PDE1C: variants seen among roughly 807,000 people sequenced by gnomAD.
PDE1C encodes the protein phosphodiesterase 1C.
A neutral mutation model predicts 93.1 loss-of-function variants in PDE1C; 62 were observed. The observed-to-expected ratio is 0.67, with a 90% CI of 0.54 to 0.82. The LOEUF is 0.82. Among genes scored for constraint, PDE1C ranks in the 40% least tolerant of loss-of-function variants. PDE1C has a pLI of 0.00. For missense variants in PDE1C, 742 were observed against 884.6 expected (o/e 0.84, Z 2.04); for synonymous variants, 325 against 310.1 (o/e 1.05, Z -0.50).
intron 7 of PDE1C, among the ~76,000 whole-genome samples, chr7:31,863,067 A>G (rs1365915227): frequency 4.6e-5 from 7 of 152,184 alleles, no homozygotes; most frequent in East Asian, 1.9e-4. Context: ...GATTACTTTG[A>G]GGGAAACTGA....
intron 1 of PDE1C, among the ~76,000 whole-genome samples, chr7:32,344,459 TC>T (rs1268688443): frequency 6.6e-6 from 1 of 152,174 alleles, no homozygotes; most frequent in African/African-American, 2.4e-5. Flanking sequence ...TGACTTCATC[TC>T]CTGCCTCGCT....
chr7:31,927,394 C>A (rs1389095844), intron 2 of PDE1C, among the ~76,000 whole-genome samples: 4 of 152,118 alleles, frequency 2.6e-5, no homozygotes, highest in African/African-American at 9.7e-5. Context: ...ATGTTCCTGC[C>A]TGCCGGCTCT....
At chr7:31,937,175 T>C (rs930074904) in intron 2 of PDE1C, among the ~76,000 whole-genome samples, 1 of 152,122 alleles carries the variant, frequency 6.6e-6, no homozygotes, top group African/African-American at 2.4e-5. Flanking sequence ...TGACTGTCTC[T>C]TATCAGACCT....
At chr7:31,860,977 G>T (rs974465714) in intron 7 of PDE1C, among the ~76,000 whole-genome samples, 1 of 152,020 alleles carries the variant, frequency 6.6e-6, no homozygotes, top group East Asian at 1.9e-4. Flanking sequence ...CTATTAAGTT[G>T]TCTATAGTCA....
intron 2 of PDE1C, among the ~76,000 whole-genome samples, chr7:31,968,927 T>C: frequency 6.6e-6 from 1 of 152,180 alleles, no homozygotes; most frequent in Admixed American, 6.5e-5. Context: ...TGGCCAGCCA[T>C]ATGTAGAAAG....
At chr7:31,988,623 A>C (rs1041486793) in intron 2 of PDE1C, among the ~76,000 whole-genome samples, 1 of 152,174 alleles carries the variant, frequency 6.6e-6, no homozygotes, top group Non-Finnish European at 1.5e-5. Context: ...TGGGAGACTG[A>C]AGCAAGAGAA....
chr7:31,670,010 C>T, the PDE1C span, among the ~76,000 whole-genome samples: 5 of 152,144 alleles, frequency 3.3e-5, no homozygotes, highest in Non-Finnish European at 5.9e-5. Context: ...CCTTCCATCC[C>T]GTGACAGGTC....
At chr7:31,893,089 C>T (rs1327575729) in intron 2 of PDE1C, among the ~76,000 whole-genome samples, 1 of 151,858 alleles carries the variant, frequency 6.6e-6, no homozygotes, top group Admixed American at 6.6e-5. Context: ...AGAGTCGATT[C>T]CATAAAAAAA....
At chr7:32,188,030 GAAC>G (rs750338745) in intron 2 of PDE1C, among the ~76,000 whole-genome samples, 47 of 152,064 alleles carry the variant, frequency 3.1e-4, no homozygotes, top group Non-Finnish European at 5.6e-4. Context: ...AGATACACAA[GAAC>G]AACAACTTAG....
the PDE1C span, among the ~76,000 whole-genome samples, chr7:31,690,045 A>C: frequency 6.6e-6 from 1 of 152,338 alleles, no homozygotes; most frequent in South Asian, 2.1e-4. Flanking sequence ...CACCTTGTCC[A>C]GGGGCCTCTG....
the PDE1C span, among the ~76,000 whole-genome samples, chr7:31,721,990 T>G: frequency 6.6e-6 from 1 of 152,160 alleles, no homozygotes; most frequent in East Asian, 1.9e-4. Flanking sequence ...AGAGATTAAG[T>G]ATAACTCTTA....
chr7:31,947,058 C>T (rs771390782), intron 2 of PDE1C, among the ~76,000 whole-genome samples: 7 of 152,140 alleles, frequency 4.6e-5, no homozygotes, highest in South Asian at 2.1e-4. Context: ...TTGTTTTTGT[C>T]TCACTTCTTG....
chr7:32,181,552 G>C (rs1803422657), intron 2 of PDE1C, among the ~76,000 whole-genome samples: 1 of 152,068 alleles, frequency 6.6e-6, no homozygotes, highest in Non-Finnish European at 1.5e-5. Context: ...AATGACTACT[G>C]GGTACATAAC....
chr7:32,350,092 G>GTTC (rs3079626), intron 1 of PDE1C, among the ~76,000 whole-genome samples: 24,639 of 151,882 alleles, frequency 0.16, 2,548 homozygotes, highest in South Asian at 0.42. Flanking sequence ...TGTTGTTGTT[G>GTTC]TTCTTCTTCT....
chr7:31,869,776 A>C (rs1795709532), intron 6 of PDE1C, among the ~76,000 whole-genome samples: 2 of 152,106 alleles, frequency 1.3e-5, no homozygotes. Context: ...CCTAATAGAC[A>C]CTTACAGAAC....
intron 3 of PDE1C, among the ~76,000 whole-genome samples, chr7:32,096,860 T>TAGATAGAC (rs1300516444): frequency 3.0e-4 from 45 of 150,518 alleles, no homozygotes; most frequent in East Asian, 9.7e-4. Flanking sequence ...GATAGATAGA[T>TAGATAGAC]AGACAGACAG....
chr7:32,383,956 C>T (rs1218829723), intron 1 of PDE1C, among the ~76,000 whole-genome samples: 1 of 152,166 alleles, frequency 6.6e-6, no homozygotes, highest in Non-Finnish European at 1.5e-5. Context: ...ATTCCCCAGT[C>T]TCCAAAAGAC....
At chr7:32,423,636 C>T (rs1462133270) in intron 1 of PDE1C, among the ~76,000 whole-genome samples, 1 of 152,156 alleles carries the variant, frequency 6.6e-6, no homozygotes, top group South Asian at 2.1e-4. Context: ...TGTTTGAAAT[C>T]TACTGATCCT....
intron 1 of PDE1C, among the ~76,000 whole-genome samples, chr7:32,304,521 A>G (rs1812950165): frequency 6.6e-6 from 1 of 152,210 alleles, no homozygotes; most frequent in Admixed American, 6.5e-5. Context: ...AGTTCAAAAC[A>G]TGGCTCCATA....
Sources: gnomAD v4.1 joint callset for allele counts (sites outside exome capture counted in the v4.1 genomes callset) on GRCh38, gnomAD v4.1.1 for gene constraint, MANE v1.5 for transcripts, NCBI Gene and HGNC (gene_info 2026-07-23, HGNC 2026-07-21) for gene names.